SLC41A2: variants seen among roughly 807,000 people sequenced by gnomAD.
SLC41A2 encodes the protein SLC41A1-like 1.
In SLC41A2, 32 loss-of-function variants were observed where a neutral mutation model predicts 58.3. That is an observed-to-expected ratio of 0.55 (90% CI 0.41 to 0.74). SLC41A2 has a LOEUF of 0.74. Among genes scored for constraint, SLC41A2 ranks in the 30% least tolerant of loss-of-function variants. The pLI is 0.00. For missense variants in SLC41A2, 514 were observed against 680.6 expected, an observed-to-expected ratio of 0.76 and a Z score of 2.72; for synonymous variants, 190 against 235.0, an observed-to-expected ratio of 0.81 and a Z score of 1.75.
chr12:104,936,319 G>A (rs1287660005), intron 1 of SLC41A2, among the ~76,000 whole-genome samples: 2 of 152,130 alleles, frequency 1.3e-5, no homozygotes, highest in African/African-American at 4.8e-5. Context: ...TACTGGCCCA[G>A]GAAACCTTGC....
chr12:104,821,559 C>CAT (rs2041639618), intron 10 of SLC41A2, among the ~76,000 whole-genome samples: 1 of 152,142 alleles, frequency 6.6e-6, no homozygotes, highest in Non-Finnish European at 1.5e-5. Flanking sequence ...ATAATACTTA[C>CAT]ATATATGAAT....
chr12:104,914,049 G>A (rs1157918785), intron 2 of SLC41A2, among the ~76,000 whole-genome samples: 5 of 151,936 alleles, frequency 3.3e-5, no homozygotes, highest in East Asian at 1.9e-4. Flanking sequence ...GTGACAGGGC[G>A]AGACTCTATC....
chr12:104,807,242 AT>A (rs1372482140), intron 10 of SLC41A2, among the ~76,000 whole-genome samples: 1 of 152,198 alleles, frequency 6.6e-6, no homozygotes, highest in Non-Finnish European at 1.5e-5. Context: ...TAATTTTTGT[AT>A]AAGGTGTAAG....
chr12:104,950,244 T>G (rs2047900517), intron 1 of SLC41A2, among the ~76,000 whole-genome samples: 1 of 152,162 alleles, frequency 6.6e-6, no homozygotes, highest in Non-Finnish European at 1.5e-5. Flanking sequence ...CCCCATAATC[T>G]CCACGTGTCT....
At chr12:104,821,786 G>A (rs78529822) in intron 10 of SLC41A2, among the ~76,000 whole-genome samples, 2,571 of 152,292 alleles carry the variant, frequency 0.017, 71 homozygotes, top group Admixed American at 0.084. Flanking sequence ...TTCTAAACCT[G>A]TAGGTACTAG....
chr12:104,919,017 TC>T (rs1300769876), intron 2 of SLC41A2, among the ~76,000 whole-genome samples: 3 of 152,290 alleles, frequency 2.0e-5, no homozygotes, highest in African/African-American at 7.2e-5. Context: ...TACTAATACC[TC>T]CTTAACCACT....
chr12:104,936,620 G>A (rs1330749356), intron 1 of SLC41A2, among the ~76,000 whole-genome samples: 1 of 152,112 alleles, frequency 6.6e-6, no homozygotes, highest in African/African-American at 2.4e-5. Context: ...CAGATCTCAT[G>A]AGACCCATTC....
intron 3 of SLC41A2, among the ~76,000 whole-genome samples, chr12:104,900,969 A>G (rs1050625084): frequency 6.6e-6 from 1 of 152,210 alleles, no homozygotes; most frequent in Non-Finnish European, 1.5e-5. Flanking sequence ...TTTGTTCGTT[A>G]CTGATCTCCT....
intron 1 of SLC41A2, among the ~76,000 whole-genome samples, chr12:104,944,775 C>T (rs994770223): frequency 1.3e-5 from 2 of 151,928 alleles, no homozygotes; most frequent in Non-Finnish European, 2.9e-5. Flanking sequence ...ACCCTTCTTT[C>T]CCAGATTAGT....
At chr12:104,832,470 T>C (rs1179691286) in intron 10 of SLC41A2, among the ~76,000 whole-genome samples, 1 of 152,076 alleles carries the variant, frequency 6.6e-6, no homozygotes, top group African/African-American at 2.4e-5. Flanking sequence ...ATCAACCCCA[T>C]CAACAGGACA....
rs912907153 is a variant in SLC41A2, at chr12:104,944,660, G to A, written c.-168+13428C>T. 2.0e-5 allele frequency among the ~76,000 whole-genome samples: 3 copies of A among 151,950 alleles called. No individual in the cohort carries two copies. In the South Asian group the frequency reaches 6.2e-4, roughly 32 times the overall value. ...TTTTCAAAAGAACTTTCTTCTGGAG[G>A]GTTCTAAGCCCAGCTTGAAATTTAG... On this transcript the variant is annotated intron_variant, in intron 1 of 10. Coordinates refer to ENST00000258538, the MANE Select transcript of SLC41A2 (RefSeq NM_001352171.3).
At chr12:104,890,675 G>A (rs1238972540) in intron 4 of SLC41A2, among the ~76,000 whole-genome samples, 1 of 152,220 alleles carries the variant, frequency 6.6e-6, no homozygotes, top group South Asian at 2.1e-4. Context: ...AGTAGTAGAT[G>A]TGAAGGTTAA....
intron 1 of SLC41A2, among the ~76,000 whole-genome samples, chr12:104,948,849 C>G (rs1440887136): frequency 6.6e-6 from 1 of 152,330 alleles, no homozygotes; most frequent in South Asian, 2.1e-4. Flanking sequence ...AGAATGGAAA[C>G]AGCTCCTTCA....
intron 3 of SLC41A2, among the ~76,000 whole-genome samples, chr12:104,897,911 A>G (rs2045374617): frequency 6.6e-6 from 1 of 152,166 alleles, no homozygotes; most frequent in Admixed American, 6.5e-5. Flanking sequence ...AATATGAGCC[A>G]TCTAAGTTTT....
intron 6 of SLC41A2, among the ~76,000 whole-genome samples, chr12:104,872,138 TA>T (rs1423706396): frequency 6.6e-6 from 1 of 151,632 alleles, no homozygotes; most frequent in Admixed American, 6.6e-5. Context: ...ATGAGATCAG[TA>T]AACAGCTGAG....
At chr12:104,850,954 G>C (rs1313075818) in intron 8 of SLC41A2, among the ~76,000 whole-genome samples, 1 of 152,188 alleles carries the variant, frequency 6.6e-6, no homozygotes, top group Admixed American at 6.5e-5. Context: ...GTAACATTCT[G>C]ACTGTGGCTC....
At chr12:104,860,457 A>T (rs1255156197) in intron 8 of SLC41A2, among the ~76,000 whole-genome samples, 1 of 152,206 alleles carries the variant, frequency 6.6e-6, no homozygotes, top group Non-Finnish European at 1.5e-5. Context: ...ACTGGATTAA[A>T]ATGATCTTAT....
intron 10 of SLC41A2, among the ~76,000 whole-genome samples, chr12:104,837,715 A>C (rs2136303292): frequency 6.6e-6 from 1 of 152,290 alleles, no homozygotes; most frequent in South Asian, 2.1e-4. Context: ...TTGAATAACC[A>C]GCTCTAACAC....
intron 10 of SLC41A2, among the ~76,000 whole-genome samples, chr12:104,835,090 T>C (rs1321171808): frequency 6.6e-6 from 1 of 152,132 alleles, no homozygotes; most frequent in East Asian, 1.9e-4. Context: ...AATAAGACAA[T>C]AATGATGAAA....
Sources: gnomAD v4.1 joint callset for allele counts (sites outside exome capture counted in the v4.1 genomes callset) on GRCh38, gnomAD v4.1.1 for gene constraint, MANE v1.5 for transcripts, NCBI Gene and HGNC (gene_info 2026-07-23, HGNC 2026-07-21) for gene names.